The following PRDM16 variants were observed in gnomAD, a reference collection of about 807,000 sequenced individuals.
The protein encoded by PRDM16 is PR/SET domain 16, also known as histone-lysine N-methyltransferase PRDM16.
In PRDM16, 23 loss-of-function variants were observed where a neutral mutation model predicts 110.6. The observed-to-expected ratio is 0.21, with a 90% confidence interval of 0.15 to 0.29. The LOEUF (loss-of-function observed/expected upper bound fraction) is 0.29, where lower values mean the gene tolerates loss of function less well. Among genes scored for constraint, PRDM16 ranks in the 10% least tolerant of loss-of-function variants. The probability of loss-of-function intolerance (pLI) is 1.00; values close to 1 mark genes in which losing one functional copy is unlikely to be tolerated. For synonymous variants in PRDM16, 799 were observed against 781.8 expected (o/e 1.02, Z -0.37); for missense variants, 1,615 against 1,794.3 (o/e 0.90, Z 1.81).
intron 1 of PRDM16, among the ~76,000 whole-genome samples, chr1:3,132,027 T>G (rs1643345611): frequency 6.6e-6 from 1 of 152,244 alleles, no homozygotes; most frequent in African/African-American, 2.4e-5. Flanking sequence ...TACTGCCGTT[T>G]AATTCGGAGG....
chr1:3,109,903 G>A (rs945736194), intron 1 of PRDM16, among the ~76,000 whole-genome samples: 5 of 152,274 alleles, frequency 3.3e-5, no homozygotes, highest in African/African-American at 1.2e-4. Flanking sequence ...GACACAGACA[G>A]CAGCTCCTCC....
chr1:3,168,632 A>AT (rs749736044), intron 1 of PRDM16, among the ~76,000 whole-genome samples: 5 of 148,500 alleles, frequency 3.4e-5, no homozygotes, highest in Non-Finnish European at 7.4e-5. Flanking sequence ...CGAAATACAG[A>AT]TCTGATGCCT....
chr1:3,217,218 C>G (rs1639048982), intron 2 of PRDM16, among the ~76,000 whole-genome samples: 1 of 152,262 alleles, frequency 6.6e-6, no homozygotes, highest in Non-Finnish European at 1.5e-5. Context: ...TTTCTCTTCC[C>G]TGGAAGTGAC....
At chr1:3,136,153 A>G (rs1643434054) in intron 1 of PRDM16, among the ~76,000 whole-genome samples, 1 of 151,822 alleles carries the variant, frequency 6.6e-6, no homozygotes, top group East Asian at 1.9e-4. Flanking sequence ...CCATGGGACC[A>G]CCAGCTTTGG....
At chr1:3,234,073 G>A (rs539073675) in intron 2 of PRDM16, among the ~76,000 whole-genome samples, 264 of 152,160 alleles carry the variant, frequency 1.7e-3, no homozygotes, top group African/African-American at 5.7e-3. Flanking sequence ...TGTGACTTTC[G>A]GGGTTTGCGA....
At chr1:3,139,589 G>A (rs902451728) in intron 1 of PRDM16, among the ~76,000 whole-genome samples, 1 of 152,270 alleles carries the variant, frequency 6.6e-6, no homozygotes, top group South Asian at 2.1e-4. Flanking sequence ...ATGCCATCGC[G>A]AATAATGCCA....
intron 1 of PRDM16, among the ~76,000 whole-genome samples, chr1:3,173,971 C>T (rs1402187597): frequency 6.6e-6 from 1 of 152,218 alleles, no homozygotes; most frequent in Non-Finnish European, 1.5e-5. Flanking sequence ...GTGCTATGGT[C>T]GCTTTGGTCT....
At chr1:3,421,313 T>G (rs1212581167) in intron 12 of PRDM16, among the ~76,000 whole-genome samples, 1 of 152,122 alleles carries the variant, frequency 6.6e-6, no homozygotes, top group African/African-American at 2.4e-5. Flanking sequence ...CCCCTGCCAA[T>G]GGCTTCTCTG....
chr1:3,218,430 C>T (rs188148567), intron 2 of PRDM16, among the ~76,000 whole-genome samples: 4 of 152,306 alleles, frequency 2.6e-5, no homozygotes, highest in Non-Finnish European at 5.9e-5. Context: ...GGGGCCACCT[C>T]GGTGTGCGGG....
rs778899500 is a variant in PRDM16 at position 3,432,036 on chromosome 1, C to A, written c.3592C>A (p.Leu1198Ile). The part of the protein sequence containing the change: ...PMPTFGKGLD[L>I]RRAAEEAFEV... The stretch of plus-strand genomic sequence containing the variant: ...GCCGACTTTTGGGAAGGGGCTGGAC[C>A]TCCGCAGAGCAGCTGAGGAAGCATT... The change falls in exon 16 of 17, where the codon CTC (leucine) becomes ATC (isoleucine). Residue 1198 changes from leucine (L) to isoleucine (I), a missense_variant. By Grantham distance (5) the Leu-to-Ile change is conservative. Coordinates refer to ENST00000270722, the MANE Select transcript of PRDM16 (RefSeq NM_022114.4). The A allele has an allele frequency of 2.0e-5, 32 of 1,613,996 alleles. No homozygotes were observed. The highest frequency in any genetic ancestry group is 2.6e-5 in the Non-Finnish European group (31 of 1,180,004).
At chr1:3,267,553 A>C (rs1002094396) in intron 3 of PRDM16, among the ~76,000 whole-genome samples, 4 of 152,094 alleles carry the variant, frequency 2.6e-5, no homozygotes, top group African/African-American at 9.7e-5. Flanking sequence ...GCTATGTCTC[A>C]CTTTTTGGGG....
intron 2 of PRDM16, among the ~76,000 whole-genome samples, chr1:3,204,897 G>T (rs926401235): frequency 4.0e-5 from 6 of 151,086 alleles, no homozygotes; most frequent in Admixed American, 6.6e-5. Context: ...GACCCCCGTT[G>T]GGGGGGGCCC....
intron 1 of PRDM16, among the ~76,000 whole-genome samples, chr1:3,110,060 G>A (rs187133521): frequency 3.7e-3 from 545 of 149,184 alleles, no homozygotes; most frequent in African/African-American, 9.7e-3. Flanking sequence ...CACAGTGCTC[G>A]GGGGCTCCCC....
At chr1:3,291,064 C>G (rs1557585334) in intron 3 of PRDM16, among the ~76,000 whole-genome samples, 1 of 151,908 alleles carries the variant, frequency 6.6e-6, no homozygotes, top group African/African-American at 2.4e-5. Context: ...CCAGGCAGCA[C>G]CGGCCCCACC....
intron 1 of PRDM16, among the ~76,000 whole-genome samples, chr1:3,142,983 A>G (rs1485598044): frequency 6.6e-6 from 1 of 152,210 alleles, no homozygotes; most frequent in African/African-American, 2.4e-5. Context: ...CAGCTTTTCC[A>G]TAAGGGAATC....
intron 10 of PRDM16, among the ~76,000 whole-genome samples, chr1:3,415,796 C>T (rs1008537017): frequency 3.3e-5 from 5 of 152,174 alleles, no homozygotes; most frequent in East Asian, 1.9e-4. Flanking sequence ...AGGTGGGGGG[C>T]GGGAAGAGAG....
chr1:3,382,357 G>A lies in PRDM16; in HGVS notation c.439-2795G>A, dbSNP rs1228373884. 3.9e-5 allele frequency among the ~76,000 whole-genome samples: 6 copies of A among 152,196 alleles called. No individual in the cohort carries two copies. Among genetic ancestry groups the A allele is most frequent in the African/African-American group, 1.4e-4 (6 of 41,462 alleles). On this transcript the variant is annotated intron_variant, in intron 3 of 16. Transcript: ENST00000270722. This position sits in a 1 kb window ranked among gnomAD's most constrained non-coding sequence, Gnocchi z 6.6. ...TGGGCTGGCCCTGGACTTGGGCAGG[G>A]CAGGCAGTGACCTCCCTGGACAGCG... is the stretch of plus-strand genomic sequence containing the variant.
In PRDM16 at chr1:3,353,691, T is replaced by C. The variant is rs1024409487; in HGVS notation, c.439-31461T>C. On this transcript the variant is annotated intron_variant, in intron 3 of 16. Coordinates refer to ENST00000270722, the MANE Select transcript of PRDM16 (RefSeq NM_022114.4). The surrounding 1 kb of genome is among the most constrained non-coding windows in gnomAD (Gnocchi z 5.4). ...CTTTGCAGAGAGAACAGGACAATCCTAGCTCAGGCTGGTGGAGGTTTGGGG... is the reference window on the plus strand; with the variant it reads ...CTTTGCAGAGAGAACAGGACAATCCCAGCTCAGGCTGGTGGAGGTTTGGGG... Among the ~76,000 whole-genome samples, 21 of 152,304 alleles carry C rather than the reference T, an allele frequency of 1.4e-4. No homozygotes were observed. The highest frequency in any genetic ancestry group is 1.2e-3 in the Admixed American group (19 of 15,308).
intron 1 of PRDM16, among the ~76,000 whole-genome samples, chr1:3,130,805 T>TG (rs1557470618): frequency 6.6e-6 from 1 of 151,324 alleles, no homozygotes; most frequent in African/African-American, 2.4e-5. Flanking sequence ...CTGTTTTTTT[T>TG]TTTTAATTTT....
Sources: allele counts gnomAD v4.1 joint callset (sites outside exome capture counted in the v4.1 genomes callset), GRCh38; gene constraint gnomAD v4.1.1; non-coding constraint Gnocchi (gnomAD v3.1); transcripts MANE v1.5; gene names NCBI Gene and HGNC (gene_info 2026-07-23, HGNC 2026-07-21).